Variants in SAMD4A observed in about 807,000 individuals in gnomAD.
SAMD4A encodes the protein protein Smaug homolog 1.
In SAMD4A, 33 loss-of-function variants were observed where a neutral mutation model predicts 81.3. The observed-to-expected ratio is 0.41, with a 90% confidence interval of 0.31 to 0.54. The LOEUF (loss-of-function observed/expected upper bound fraction) is 0.54. Ranked by LOEUF, SAMD4A falls within the 20% of genes least tolerant of loss-of-function variation. The pLI is 0.37. For synonymous variants in SAMD4A, 389 were observed against 382.1 expected (o/e 1.02, Z -0.21); for missense variants, 854 against 951.1 (o/e 0.90, Z 1.34).
chr14:54,776,676 T>G (rs771339443), intron 11 of SAMD4A, 136 bp downstream of exon 11: 47 of 1,099,954 alleles, frequency 4.3e-5, no homozygotes, highest in Non-Finnish European at 5.6e-5. Flanking sequence ...TTTCCTTTTT[T>G]AAACTGTGCC....
At chr14:54,598,721 A>T (rs911147916) in intron 2 of SAMD4A, among the ~76,000 whole-genome samples, 10 of 152,226 alleles carry the variant, frequency 6.6e-5, no homozygotes, top group African/African-American at 2.4e-4. Flanking sequence ...AATAAAGACA[A>T]AGAAAACAAA....
At chr14:54,574,192 G>A (rs573376896) in intron 2 of SAMD4A, among the ~76,000 whole-genome samples, 2 of 152,176 alleles carry the variant, frequency 1.3e-5, no homozygotes, top group African/African-American at 4.8e-5. Context: ...GCTTACACTC[G>A]AGTTGCAGAG....
chr14:54,602,129 T>C (rs1246796207), intron 2 of SAMD4A, among the ~76,000 whole-genome samples: 1 of 152,138 alleles, frequency 6.6e-6, no homozygotes, highest in Non-Finnish European at 1.5e-5. Flanking sequence ...AAGAGGAATG[T>C]GGGACTGGCT....
intron 3 of SAMD4A, among the ~76,000 whole-genome samples, chr14:54,721,182 G>A (rs75602869): frequency 0.025 from 3,746 of 152,244 alleles, 81 homozygotes; most frequent in South Asian, 0.068. Flanking sequence ...TAAGAGGTCA[G>A]GAACCTGGTC....
chr14:54,653,398 G>A (rs553656077), intron 2 of SAMD4A, among the ~76,000 whole-genome samples: 23 of 150,796 alleles, frequency 1.5e-4, no homozygotes, highest in African/African-American at 3.6e-4. Context: ...GTGCAGTGGC[G>A]TGATGATCTC....
At chr14:54,593,462 C>T (rs1274017215) in intron 2 of SAMD4A, among the ~76,000 whole-genome samples, 1 of 152,088 alleles carries the variant, frequency 6.6e-6, no homozygotes, top group Non-Finnish European at 1.5e-5. Context: ...TTTTTCTATT[C>T]ATTTTTTAGA....
intron 8 of SAMD4A, 133 bp from the exon 9 acceptor site, chr14:54,769,971 T>C: frequency 3.1e-6 from 2 of 648,052 alleles, no homozygotes; most frequent in Non-Finnish European, 5.5e-6. Context: ...ACTGACTACG[T>C]TTGGACCAGG....
intron 11 of SAMD4A, among the ~76,000 whole-genome samples, chr14:54,779,997 AT>A (rs2038960378): frequency 6.6e-6 from 1 of 152,132 alleles, no homozygotes; most frequent in African/African-American, 2.4e-5. Flanking sequence ...GAAGCAACTA[AT>A]TTCTACTGAC....
chr14:54,619,221 T>C (rs1259817861), intron 2 of SAMD4A, among the ~76,000 whole-genome samples: 3 of 152,264 alleles, frequency 2.0e-5, no homozygotes. Flanking sequence ...AATCAGTTTC[T>C]TAATTCAGAT....
At chr14:54,627,522 A>T (rs2034794526) in intron 2 of SAMD4A, among the ~76,000 whole-genome samples, 3 of 152,200 alleles carry the variant, frequency 2.0e-5, no homozygotes, top group African/African-American at 7.2e-5. Flanking sequence ...TTTCAGATAG[A>T]TTCCTTAGAA....
intron 10 of SAMD4A, 95 bp downstream of exon 10, chr14:54,775,230 C>T: frequency 7.3e-7 from 1 of 1,361,092 alleles, no homozygotes. Context: ...GGAGAGAGGC[C>T]AAAGGGGACT....
intron 4 of SAMD4A, among the ~76,000 whole-genome samples, chr14:54,739,679 A>C (rs1418513936): frequency 6.6e-6 from 1 of 152,204 alleles, no homozygotes; most frequent in African/African-American, 2.4e-5. Flanking sequence ...GTATTTGTTC[A>C]ATAGAAATGT....
chr14:54,642,091 C>T (rs1168399166), intron 2 of SAMD4A, among the ~76,000 whole-genome samples: 1 of 152,188 alleles, frequency 6.6e-6, no homozygotes, highest in African/African-American at 2.4e-5. Flanking sequence ...AGCCACTACA[C>T]CTGGCCAGAA....
At chr14:54,614,211 CT>C (rs2034436913) in intron 2 of SAMD4A, among the ~76,000 whole-genome samples, 3 of 152,000 alleles carry the variant, frequency 2.0e-5, no homozygotes. Context: ...AAGTTTTTTT[CT>C]GGAAAAGATA....
chr14:54,741,687 A>G (rs555540439), intron 4 of SAMD4A, among the ~76,000 whole-genome samples: 6 of 152,356 alleles, frequency 3.9e-5, no homozygotes, highest in African/African-American at 1.4e-4. Context: ...GGCACCATGA[A>G]TGACCCTCAT....
At chr14:54,629,518 A>C (rs977022492) in intron 2 of SAMD4A, among the ~76,000 whole-genome samples, 70 of 152,228 alleles carry the variant, frequency 4.6e-4, no homozygotes, top group African/African-American at 1.6e-3. Context: ...GGTAACTGCT[A>C]ATGACAGTTT....
intron 2 of SAMD4A, among the ~76,000 whole-genome samples, chr14:54,681,318 C>A (rs894228348): frequency 6.6e-6 from 1 of 152,134 alleles, no homozygotes; most frequent in Non-Finnish European, 1.5e-5. Flanking sequence ...GAAAAAAGTA[C>A]TCCACAGATG....
At chr14:54,615,476 C>T (rs545689091) in intron 2 of SAMD4A, among the ~76,000 whole-genome samples, 185 of 152,308 alleles carry the variant, frequency 1.2e-3, no homozygotes, top group African/African-American at 3.8e-3. Flanking sequence ...TTATTTCACA[C>T]GGAAATACCT....
At chr14:54,765,129 G>A (rs1336606434) in intron 8 of SAMD4A, among the ~76,000 whole-genome samples, 2 of 152,100 alleles carry the variant, frequency 1.3e-5, no homozygotes, top group Non-Finnish European at 2.9e-5. Context: ...GCGGGGCTAG[G>A]CAGCCGTCAG....
Sources: gnomAD v4.1 joint callset for allele counts (sites outside exome capture counted in the v4.1 genomes callset) on GRCh38, gnomAD v4.1.1 for gene constraint, MANE v1.5 for transcripts, NCBI Gene and HGNC (gene_info 2026-07-23, HGNC 2026-07-21) for gene names.